DOCK7: variants seen among roughly 807,000 people sequenced by gnomAD.
DOCK7 encodes dedicator of cytokinesis protein 7.
DOCK7 carries 138 observed loss-of-function variants against 271.0 expected under a neutral mutation model. The ratio of observed to expected loss-of-function variants is 0.51; its 90% CI spans 0.44 to 0.59. DOCK7 has a LOEUF of 0.59. Ranked by LOEUF, DOCK7 falls within the 20% of genes least tolerant of loss-of-function variation. The pLI is 0.00. For missense variants in DOCK7, 2,066 were observed against 2,592.4 expected, an observed-to-expected ratio of 0.80 and a Z score of 4.41; for synonymous variants, 823 against 876.1, an observed-to-expected ratio of 0.94 and a Z score of 1.07.
chr1:62,596,101 T>A (rs1210142698), intron 14 of DOCK7, among the ~76,000 whole-genome samples: 1 of 152,186 alleles, frequency 6.6e-6, no homozygotes, highest in Non-Finnish European at 1.5e-5. Context: ...AGGTTAAAAG[T>A]TAGTTTCATG....
chr1:62,597,284 C>T (rs1387115469), intron 14 of DOCK7, among the ~76,000 whole-genome samples: 1 of 152,050 alleles, frequency 6.6e-6, no homozygotes, highest in African/African-American at 2.4e-5. Context: ...AGGTAGTCAC[C>T]ATAGCATTGA....
intron 7 of DOCK7, 84 bp downstream of exon 7, chr1:62,647,607 A>T: frequency 1.1e-6 from 1 of 918,754 alleles, no homozygotes; most frequent in African/African-American, 1.7e-5. Flanking sequence ...ATGCAACTAT[A>T]AAATCTACTC....
chr1:62,567,868 A>G (rs1157444909), intron 18 of DOCK7, among the ~76,000 whole-genome samples: 2 of 152,130 alleles, frequency 1.3e-5, no homozygotes, highest in Admixed American at 6.6e-5. Context: ...AAATTTCTTT[A>G]AAAATAACAG....
At chr1:62,686,717 C>G (rs1365168776) in intron 1 of DOCK7, among the ~76,000 whole-genome samples, 1 of 152,008 alleles carries the variant, frequency 6.6e-6, no homozygotes. Context: ...ATTTGCCAGA[C>G]GAGGAAACGG....
chr1:62,627,525 A>C (rs965667752), intron 11 of DOCK7: 2 of 152,212 alleles, frequency 1.3e-5, no homozygotes, highest in Non-Finnish European at 2.9e-5. Context: ...CGAATTTAGT[A>C]AACAAATTCA....
chr1:62,687,859 G>A (rs1661998484), intron 1 of DOCK7, among the ~76,000 whole-genome samples: 2 of 151,952 alleles, frequency 1.3e-5, no homozygotes, highest in African/African-American at 4.8e-5. Flanking sequence ...GGCGGCCCCC[G>A]ACGAGCCCGG....
chr1:62,634,867 C>A lies in DOCK7; in HGVS notation c.941G>T (p.Arg314Leu). ...AATGGCAGCAGGTGGTACATGTGGACGTAACAACCCTTTCATCTGCTCAGA... is the reference window on the plus strand; with the variant it reads ...AATGGCAGCAGGTGGTACATGTGGAAGTAACAACCCTTTCATCTGCTCAGA... ...LNSEQMKGLL[R>L]PHVPPAAITT... Residue 314 changes from arginine (R) to leucine (L), a missense_variant, in exon 9 of 50, where the codon CGT becomes CTT. This residue lies in a region of DOCK7 where 1,414 missense variants were observed against 1,670.4 expected (regional missense o/e 0.85). Transcript: ENST00000635253. 1 of 1,612,352 alleles carries A rather than the reference C, an allele frequency of 6.2e-7. No homozygotes were observed. The highest frequency in any genetic ancestry group is 8.5e-7 in the Non-Finnish European group (1 of 1,178,824).
chr1:62,681,813 A>T (rs1006819264), intron 1 of DOCK7, among the ~76,000 whole-genome samples: 3 of 152,214 alleles, frequency 2.0e-5, no homozygotes. Context: ...ATCATGAATT[A>T]ATCTCACAAA....
chr1:62,569,423 C>T (rs1411264823), intron 18 of DOCK7, among the ~76,000 whole-genome samples: 1 of 152,074 alleles, frequency 6.6e-6, no homozygotes, highest in Non-Finnish European at 1.5e-5. Context: ...AGATGCAAGG[C>T]TGGTTCAACA....
At chr1:62,464,956 G>A (rs1388993186) in intron 48 of DOCK7, among the ~76,000 whole-genome samples, 1 of 152,092 alleles carries the variant, frequency 6.6e-6, no homozygotes, top group Non-Finnish European at 1.5e-5. Flanking sequence ...AGTATATGAA[G>A]ATACTAGCCT....
intron 1 of DOCK7, among the ~76,000 whole-genome samples, chr1:62,673,533 T>A (rs74834875): frequency 2.0e-5 from 3 of 152,198 alleles, no homozygotes; most frequent in Middle Eastern, 3.4e-3. Context: ...TGACCTGAAA[T>A]TGGCAATTAA....
rs1447221577 is a variant in DOCK7, at chr1:62,598,634, C to T, written c.1683-12010G>A. On this transcript the variant is annotated intron_variant, in intron 14 of 49. Coordinates refer to ENST00000635253, the MANE Select transcript of DOCK7 (RefSeq NM_001367561.1). The stretch of plus-strand genomic sequence containing the variant: ...AAAAATTTAGATTATGATAGTGTTA[C>T]AGGAAATTAATAGAAAAGAAAGAGG... The T allele has an allele frequency of 5.6e-6, 5 of 886,878 alleles. No homozygotes were observed. In the African/African-American group the frequency reaches 6.6e-5, roughly 12 times the overall value. 54.9% of individuals were successfully genotyped at this position (886,878 alleles called of 1,614,324 possible). A position where few individuals can be genotyped will look rare whatever the true frequency, so the allele number is the denominator to read the frequency against.
intron 14 of DOCK7, among the ~76,000 whole-genome samples, chr1:62,592,498 T>C (rs987471113): frequency 1.3e-5 from 2 of 152,104 alleles, no homozygotes; most frequent in African/African-American, 4.8e-5. Flanking sequence ...AGTGATACCA[T>C]AAACGCAGGA....
rs138738261 is a variant in DOCK7, at chr1:62,647,166, A to T, written c.818+525T>A. The stretch of plus-strand genomic sequence containing the variant: ...CAGAACAAATAATTAAACTTATAAT[A>T]TTAACATGACAGCATGAAATAAGAG... On this transcript the variant is annotated intron_variant, in intron 7 of 49. Coordinates refer to ENST00000635253, the MANE Select transcript of DOCK7 (RefSeq NM_001367561.1). Among the ~76,000 whole-genome samples, 929 of 152,356 alleles carry T rather than the reference A, an allele frequency of 6.1e-3. 11 individuals carry two copies. Among genetic ancestry groups the T allele is most frequent in the East Asian group, 0.047 (246 of 5,194 alleles).
intron 1 of DOCK7, among the ~76,000 whole-genome samples, chr1:62,685,520 A>G (rs1281621411): frequency 6.6e-6 from 1 of 151,724 alleles, no homozygotes; most frequent in African/African-American, 2.4e-5. Flanking sequence ...TCACTGGACA[A>G]TCTCATCAAC....
intron 18 of DOCK7, among the ~76,000 whole-genome samples, chr1:62,564,389 A>T (rs1190793714): frequency 6.6e-6 from 1 of 152,162 alleles, no homozygotes; most frequent in Non-Finnish European, 1.5e-5. Context: ...CAATCAAATT[A>T]GAACTCAGGA....
intron 14 of DOCK7, among the ~76,000 whole-genome samples, chr1:62,606,858 T>C (rs951695785): frequency 3.3e-5 from 5 of 152,084 alleles, no homozygotes; most frequent in African/African-American, 4.8e-5. Context: ...CCTTCTTACA[T>C]TGCCTATTTG....
chr1:62,651,911 T>C (rs1020240283), intron 4 of DOCK7, among the ~76,000 whole-genome samples: 1 of 152,186 alleles, frequency 6.6e-6, no homozygotes, highest in African/African-American at 2.4e-5. Flanking sequence ...CTACTGTATC[T>C]GCTTACCCCA....
chr1:62,588,567 T>TA (rs780447086), intron 14 of DOCK7, among the ~76,000 whole-genome samples: 6 of 152,192 alleles, frequency 3.9e-5, no homozygotes, highest in Non-Finnish European at 7.3e-5. Context: ...GTGGTTTTTG[T>TA]AAATTGAGAA....
Sources: gnomAD v4.1 joint callset for allele counts (sites outside exome capture counted in the v4.1 genomes callset) on GRCh38, gnomAD v4.1.1 for gene constraint, gnomAD v4.1.1 regional missense constraint, MANE v1.5 for transcripts, NCBI Gene and HGNC (gene_info 2026-07-23, HGNC 2026-07-21) for gene names.